Variants in NFIA observed in about 807,000 individuals in gnomAD.
NFIA encodes nuclear factor I A, also known as nuclear factor 1 A-type.
NFIA carries 8 observed loss-of-function variants against 62.8 expected under a neutral mutation model. That is an observed-to-expected ratio of 0.13 (90% CI 0.07 to 0.23). The LOEUF is 0.23. NFIA is among the 10% of genes least tolerant of loss of function. The pLI is 1.00. For synonymous variants in NFIA, 235 were observed against 238.1 expected (o/e 0.99, Z 0.12); for missense variants, 410 against 642.1 (o/e 0.64, Z 3.91).
chr1:61,269,921 C>A (rs1174326482), intron 2 of NFIA, among the ~76,000 whole-genome samples: 1 of 152,180 alleles, frequency 6.6e-6, no homozygotes, highest in Admixed American at 6.5e-5. Context: ...TACTTCCTGG[C>A]TTAGACAAAG....
intron 7 of NFIA, among the ~76,000 whole-genome samples, chr1:61,383,695 T>C (rs1664540854): frequency 6.6e-6 from 1 of 150,894 alleles, no homozygotes; most frequent in African/African-American, 2.4e-5. Flanking sequence ...AGAGACAGAA[T>C]GTGTGTGTGT....
At chr1:61,228,507 C>T (rs1654470174) in intron 2 of NFIA, among the ~76,000 whole-genome samples, 1 of 152,068 alleles carries the variant, frequency 6.6e-6, no homozygotes, top group African/African-American at 2.4e-5. Flanking sequence ...TGGTGTGGCT[C>T]AAATAATAAT....
intron 4 of NFIA, among the ~76,000 whole-genome samples, chr1:61,334,202 C>G (rs912991930): frequency 7.9e-5 from 12 of 151,904 alleles, no homozygotes; most frequent in African/African-American, 2.9e-4. Context: ...CTGAGGTATT[C>G]CAGTGTAGAA....
At chr1:61,343,807 C>T (rs1053353167) in intron 4 of NFIA, among the ~76,000 whole-genome samples, 5 of 152,160 alleles carry the variant, frequency 3.3e-5, no homozygotes, top group African/African-American at 9.7e-5. Flanking sequence ...TGATTGATTT[C>T]CATTCAAGTC....
chr1:61,435,855 T>C (rs887294417), intron 10 of NFIA, among the ~76,000 whole-genome samples: 2 of 152,180 alleles, frequency 1.3e-5, no homozygotes, highest in Non-Finnish European at 2.9e-5. Flanking sequence ...CCTGATAGGT[T>C]TCATGCACTT....
chr1:61,337,332 T>TC (rs397693836), intron 4 of NFIA, among the ~76,000 whole-genome samples: 3 of 151,832 alleles, frequency 2.0e-5, no homozygotes, highest in African/African-American at 7.3e-5. Flanking sequence ...ATTTTTTTTT[T>TC]CATTATCATC....
chr1:61,156,879 A>G (rs763360844), intron 2 of NFIA, among the ~76,000 whole-genome samples: 6 of 152,266 alleles, frequency 3.9e-5, no homozygotes, highest in Non-Finnish European at 7.3e-5. Context: ...GGCAACTCAC[A>G]TAGTAAACCT....
chr1:61,331,376 C>T (rs752685566), intron 3 of NFIA, among the ~76,000 whole-genome samples: 17 of 152,140 alleles, frequency 1.1e-4, no homozygotes, highest in Non-Finnish European at 1.0e-4. Context: ...ATGTGTATGA[C>T]ATTTAGTAAA....
At chr1:61,120,486 G>T (rs556004213) in intron 2 of NFIA, among the ~76,000 whole-genome samples, 1 of 152,118 alleles carries the variant, frequency 6.6e-6, no homozygotes, top group South Asian at 2.1e-4. Context: ...CACTCTGGTC[G>T]TTTTGTTATT....
intron 2 of NFIA, among the ~76,000 whole-genome samples, chr1:61,114,089 G>A (rs920362851): frequency 6.6e-6 from 1 of 152,048 alleles, no homozygotes; most frequent in Non-Finnish European, 1.5e-5. Flanking sequence ...TATTTCCTGT[G>A]CCCTGAGTAA....
chr1:61,291,446 T>C (rs1316403542), intron 3 of NFIA, among the ~76,000 whole-genome samples: 1 of 152,220 alleles, frequency 6.6e-6, no homozygotes, highest in African/African-American at 2.4e-5. Flanking sequence ...TCTCTGTGGA[T>C]TTTTTTCTGT....
At chr1:61,077,846 CTTTTTCTTTTTTT>C (rs1646050387), upstream of NFIA, among the ~76,000 whole-genome samples, 3 of 130,348 alleles carry the variant, frequency 2.3e-5, no homozygotes, top group Non-Finnish European at 5.0e-5. Flanking sequence ...ACCGGGTTTT[CTTTTTCTTTTTTT>C]TTTTTTTCGG....
intron 8 of NFIA, among the ~76,000 whole-genome samples, chr1:61,404,737 G>T (rs1291760797): frequency 6.6e-6 from 1 of 152,212 alleles, no homozygotes; most frequent in Non-Finnish European, 1.5e-5. Context: ...TAACACTTTA[G>T]ATCAAGTTGA....
At position 61,084,693 on chromosome 1, in the gene NFIA, A is replaced by G. The variant is rs112238379; in HGVS notation, c.27+1875A>G. Among the ~76,000 whole-genome samples the G allele has an allele frequency of 1.4e-3, 208 of 152,276 alleles. 1 individual carries two copies. Among genetic ancestry groups the G allele is most frequent in the African/African-American group, 4.4e-3 (184 of 41,560 alleles). On this transcript the variant is annotated intron_variant, in intron 1 of 10. Transcript: ENST00000403491. ...AAAGGGAAAGGACCCTAACAGATAC[A>G]TTAGTGTCTTCTCAATTGAGCTCTG...
At position 61,088,626 on chromosome 1, in the gene NFIA, G is replaced by C; in HGVS notation, c.505G>C (p.Gly169Arg). The C allele has an allele frequency of 1.2e-6, 2 of 1,614,098 alleles. No homozygotes were observed. Among genetic ancestry groups the C allele is most frequent in the Non-Finnish European group, 1.7e-6 (2 of 1,179,992 alleles). ...PGLCVQPHHI[G>R]VSVKELDLYL... Reference sequence around the variant, plus strand: ...GCTCTGTGTCCAACCCCATCACATAGGGGTTTCTGTTAAGGAACTCGATTT... The same window carrying C: ...GCTCTGTGTCCAACCCCATCACATACGGGTTTCTGTTAAGGAACTCGATTT... The change falls in exon 2 of 11, where the codon GGG (glycine) becomes CGG (arginine). Residue 169 changes from glycine (G) to arginine (R), a missense_variant. Physicochemically the swap from Gly to Arg is moderately radical, Grantham distance 125. Coordinates refer to ENST00000403491, the MANE Select transcript of NFIA (RefSeq NM_001134673.4). This position sits in a 1 kb window ranked among gnomAD's most constrained non-coding sequence, Gnocchi z 4.5.
intron 2 of NFIA, among the ~76,000 whole-genome samples, chr1:61,169,743 A>G (rs1275548406): frequency 6.6e-6 from 1 of 151,982 alleles, no homozygotes; most frequent in Non-Finnish European, 1.5e-5. Flanking sequence ...TTTCTCCCCA[A>G]CTTGGTTCTG....
intron 2 of NFIA, among the ~76,000 whole-genome samples, chr1:61,151,228 T>C (rs549912651): frequency 6.6e-6 from 1 of 152,060 alleles, no homozygotes; most frequent in Non-Finnish European, 1.5e-5. Context: ...TTTGTTTTTT[T>C]GAGACAGTCT....
intron 2 of NFIA, among the ~76,000 whole-genome samples, chr1:61,171,133 C>A (rs796389821): frequency 3.3e-5 from 5 of 152,124 alleles, no homozygotes; most frequent in African/African-American, 1.2e-4. Context: ...TATTTACACT[C>A]TCAGTTTCTT....
chr1:61,150,510 A>C (rs1052029440), intron 2 of NFIA, among the ~76,000 whole-genome samples: 1 of 152,342 alleles, frequency 6.6e-6, no homozygotes, highest in East Asian at 1.9e-4. Flanking sequence ...TTCTATAACT[A>C]GAAATGCTTT....
Sources: gnomAD v4.1 joint callset for allele counts (sites outside exome capture counted in the v4.1 genomes callset) on GRCh38, gnomAD v4.1.1 for gene constraint, Gnocchi (gnomAD v3.1) non-coding constraint, MANE v1.5 for transcripts, NCBI Gene and HGNC (gene_info 2026-07-23, HGNC 2026-07-21) for gene names.